Variants in MAF observed in about 807,000 individuals in gnomAD.
MAF encodes the protein MAF bZIP transcription factor.
Under a neutral mutation model 22.0 loss-of-function variants are expected in MAF, and 10 were observed. That is an observed-to-expected ratio of 0.45 (90% CI 0.28 to 0.77). MAF has a LOEUF of 0.77. MAF is among the 30% of genes least tolerant of loss of function. The probability of loss-of-function intolerance (pLI) is 0.12; values close to 1 mark genes in which losing one functional copy is unlikely to be tolerated. For synonymous variants in MAF, 337 were observed against 255.8 expected, an observed-to-expected ratio of 1.32 and a Z score of -3.03; for missense variants, 544 against 548.4, an observed-to-expected ratio of 0.99 and a Z score of 0.08.
chr16:79,502,722 T>C, the MAF span, among the ~76,000 whole-genome samples: 1,073 of 36,616 alleles, frequency 0.029, 48 homozygotes, highest in Non-Finnish European at 0.046. Context: ...TATATATATA[T>C]ATATATATAT....
the MAF span, among the ~76,000 whole-genome samples, chr16:79,575,718 C>A: frequency 1.3e-5 from 2 of 152,116 alleles, no homozygotes; most frequent in Non-Finnish European, 2.9e-5. Context: ...TACCTTCATC[C>A]CCAATTTTTC....
At chr16:79,372,977 C>CCTTCTCTCT in the MAF span, among the ~76,000 whole-genome samples, 1 of 152,176 alleles carries the variant, frequency 6.6e-6, no homozygotes, top group African/African-American at 2.4e-5. Context: ...GCTAGAGAGT[C>CCTTCTCTCT]CTTCTCTCTA....
At chr16:79,578,553 G>GA in the MAF span, among the ~76,000 whole-genome samples, 21 of 151,588 alleles carry the variant, frequency 1.4e-4, no homozygotes, top group Admixed American at 6.6e-5. Context: ...ATTTAAATTT[G>GA]AAAAAAACAG....
chr16:79,434,914 G>A, the MAF span, among the ~76,000 whole-genome samples: 1 of 152,136 alleles, frequency 6.6e-6, no homozygotes, highest in Non-Finnish European at 1.5e-5. Flanking sequence ...CATTAGCCAT[G>A]GAATGGATTC....
the MAF span, among the ~76,000 whole-genome samples, chr16:79,210,723 T>C: frequency 1.3e-5 from 2 of 151,960 alleles, no homozygotes; most frequent in Admixed American, 6.5e-5. Flanking sequence ...AATTATGGCT[T>C]GCAAAGCAAA....
the MAF span, among the ~76,000 whole-genome samples, chr16:79,305,828 G>T: frequency 6.6e-6 from 1 of 152,166 alleles, no homozygotes; most frequent in Non-Finnish European, 1.5e-5. Flanking sequence ...AGGCAGAAGG[G>T]AGAATCACGT....
the MAF span, among the ~76,000 whole-genome samples, chr16:79,314,465 C>T: frequency 6.6e-6 from 1 of 152,206 alleles, no homozygotes; most frequent in African/African-American, 2.4e-5. Flanking sequence ...CCATCAAACA[C>T]TGGACTGTAC....
the MAF span, among the ~76,000 whole-genome samples, chr16:79,428,810 A>G: frequency 6.6e-6 from 1 of 151,844 alleles, no homozygotes; most frequent in Non-Finnish European, 1.5e-5. Context: ...GTACCACTGC[A>G]TGTCAGGCCA....
At chr16:79,450,580 T>C in the MAF span, among the ~76,000 whole-genome samples, 10 of 152,198 alleles carry the variant, frequency 6.6e-5, no homozygotes, top group Admixed American at 2.0e-4. Flanking sequence ...AGATATTGTA[T>C]TGTGATTCCT....
At chr16:79,217,986 T>TAAAAAAA in the MAF span, among the ~76,000 whole-genome samples, 35 of 52,122 alleles carry the variant, frequency 6.7e-4, no homozygotes, top group South Asian at 4.5e-3. Context: ...GAAGCTTATG[T>TAAAAAAA]AAAAAAAAAA....
the MAF span, among the ~76,000 whole-genome samples, chr16:79,415,485 G>C: frequency 6.6e-6 from 1 of 152,206 alleles, no homozygotes; most frequent in Admixed American, 6.5e-5. Flanking sequence ...CAGGAATAGA[G>C]CTATGTGTTG....
chr16:79,303,074 A>G, the MAF span, among the ~76,000 whole-genome samples: 23 of 152,172 alleles, frequency 1.5e-4, no homozygotes, highest in African/African-American at 5.5e-4. Context: ...TCCATCCAAC[A>G]CAAGCGTGTA....
chr16:79,553,452 G>C, the MAF span, among the ~76,000 whole-genome samples: 2 of 152,222 alleles, frequency 1.3e-5, 1 homozygote, highest in East Asian at 3.8e-4. Flanking sequence ...GCCTGCTTTT[G>C]GGGGAGGCTT....
At chr16:79,296,638 T>A in the MAF span, among the ~76,000 whole-genome samples, 2 of 152,006 alleles carry the variant, frequency 1.3e-5, no homozygotes, top group Admixed American at 6.6e-5. Flanking sequence ...TTTTTTTTTT[T>A]ACTTCCCGGA....
At chr16:79,498,356 T>C in the MAF span, among the ~76,000 whole-genome samples, 2 of 152,210 alleles carry the variant, frequency 1.3e-5, no homozygotes, top group African/African-American at 2.4e-5. Context: ...ACCTTACTTA[T>C]GGGCACTAAA....
chr16:79,428,849 A>AAAAAATAAT, the MAF span, among the ~76,000 whole-genome samples: 26 of 146,594 alleles, frequency 1.8e-4, no homozygotes, highest in Non-Finnish European at 3.0e-4. Context: ...TGTCTCAGAA[A>AAAAAATAAT]AATAATAATA....
chr16:79,361,042 G>C, the MAF span, among the ~76,000 whole-genome samples: 1 of 152,152 alleles, frequency 6.6e-6, no homozygotes, highest in African/African-American at 2.4e-5. Context: ...ACACATTCCA[G>C]CACACACTAT....
chr16:79,520,232 G>C, the MAF span, among the ~76,000 whole-genome samples: 10,484 of 152,180 alleles, frequency 0.069, 560 homozygotes, highest in Non-Finnish European at 0.092. Context: ...ATATAATTCA[G>C]ATCAACTGGC....
chr16:79,289,001 A>G, the MAF span, among the ~76,000 whole-genome samples: 5 of 152,212 alleles, frequency 3.3e-5, no homozygotes, highest in African/African-American at 1.2e-4. Context: ...AAGTGTTGGG[A>G]TTACAGGCGT....
Sources: allele counts gnomAD v4.1 joint callset (sites outside exome capture counted in the v4.1 genomes callset), GRCh38; gene constraint gnomAD v4.1.1; transcripts MANE v1.5; gene names NCBI Gene and HGNC (gene_info 2026-07-23, HGNC 2026-07-21).